The following HCN1 variants were observed in gnomAD, a reference collection of about 807,000 sequenced individuals.
The protein encoded by HCN1 is potassium/sodium hyperpolarization-activated cyclic nucleotide-gated channel 1.
Under a neutral mutation model 78.9 loss-of-function variants are expected in HCN1, and 13 were observed. That is an observed-to-expected ratio of 0.16 (90% confidence interval 0.11 to 0.26). The LOEUF is 0.26. Among genes scored for constraint, HCN1 ranks in the 10% least tolerant of loss-of-function variants. The pLI, the probability that HCN1 is intolerant of heterozygous loss-of-function variation, is 1.00. For missense variants in HCN1, 810 were observed against 1,154.3 expected, an observed-to-expected ratio of 0.70 and a Z score of 4.32; for synonymous variants, 552 against 455.5, an observed-to-expected ratio of 1.21 and a Z score of -2.70.
intron 5 of HCN1, among the ~76,000 whole-genome samples, chr5:45,330,641 T>C (rs1213481684): frequency 6.6e-6 from 1 of 150,926 alleles, no homozygotes; most frequent in Non-Finnish European, 1.5e-5. Flanking sequence ...CAAACAATAA[T>C]GTATCATGTC....
At chr5:45,671,828 T>C (rs1746157348) in intron 1 of HCN1, among the ~76,000 whole-genome samples, 2 of 151,586 alleles carry the variant, frequency 1.3e-5, no homozygotes, top group Admixed American at 6.6e-5. Flanking sequence ...GTTAGGACTG[T>C]CAAAAATCTG....
chr5:45,478,924 C>G lies in HCN1; in HGVS notation c.850-16917G>C, dbSNP rs774477664. Among the ~76,000 whole-genome samples the G allele has an allele frequency of 2.0e-5, 3 of 152,160 alleles. No individual in the cohort carries two copies. In the South Asian group the frequency reaches 6.2e-4, roughly 32 times the overall value. On this transcript the variant is annotated intron_variant, in intron 2 of 7. Coordinates refer to ENST00000303230, the MANE Select transcript of HCN1 (RefSeq NM_021072.4). ...AGATCATGAGGTCAGAAGTTCAAGA[C>G]CAGCCTGGCCAACATGGTTAAACCC...
chr5:45,617,564 C>T (rs1198151370), intron 2 of HCN1: 3 of 152,116 alleles, frequency 2.0e-5, no homozygotes, highest in African/African-American at 4.8e-5. Flanking sequence ...GGCCCTGCCA[C>T]TTCATTTCCC....
chr5:45,695,974 G>T lies in HCN1; in HGVS notation c.120C>A (p.Gly40=). 1 of 1,318,838 alleles carries T rather than the reference G, an allele frequency of 7.6e-7. No homozygotes were observed. Among genetic ancestry groups the T allele is most frequent in the Non-Finnish European group, 9.6e-7 (1 of 1,038,226 alleles). 81.7% of individuals were successfully genotyped at this position (1,318,838 alleles called of 1,614,324 possible). The change falls in exon 1 of 8, where the codon GGC becomes GGA. Residue 40 remains glycine, a synonymous_variant. Coordinates refer to ENST00000303230, the MANE Select transcript of HCN1 (RefSeq NM_021072.4). The part of the protein sequence containing the change: ...AGPAAAEKRL[G]TPPGGGGAGA... ...CGGCCCCGCCGCCCCCCGGCGGGGTGCCCAGGCGCTTCTCGGCCGCGGCCG... is the reference window on the plus strand; with the variant it reads ...CGGCCCCGCCGCCCCCCGGCGGGGTTCCCAGGCGCTTCTCGGCCGCGGCCG...
chr5:45,633,290 T>A (rs1745301083), intron 2 of HCN1, among the ~76,000 whole-genome samples: 1 of 151,464 alleles, frequency 6.6e-6, no homozygotes, highest in Admixed American at 6.6e-5. Flanking sequence ...AAAAGCATAT[T>A]AATATTATTT....
intron 2 of HCN1, among the ~76,000 whole-genome samples, chr5:45,526,712 GC>G (rs1742743289): frequency 6.6e-6 from 1 of 151,962 alleles, no homozygotes; most frequent in Non-Finnish European, 1.5e-5. Flanking sequence ...TTCTCCTGGG[GC>G]CTAGAGCTGG....
rs566714056 is a variant in HCN1 at position 45,360,520 on chromosome 5, T to C, written c.1231-7274A>G. ...AATTCATATATATAGAAAAGCTGGGTAATATGCTAATTCATTTAACAAGTA... is the reference window on the plus strand; with the variant it reads ...AATTCATATATATAGAAAAGCTGGGCAATATGCTAATTCATTTAACAAGTA... On this transcript the variant is annotated intron_variant, in intron 4 of 7. Coordinates refer to ENST00000303230, the MANE Select transcript of HCN1 (RefSeq NM_021072.4). Among the ~76,000 whole-genome samples, 30 of 152,012 alleles carry C rather than the reference T, an allele frequency of 2.0e-4. 1 individual carries two copies. Among genetic ancestry groups the C allele is most frequent in the Non-Finnish European group, 3.4e-4 (23 of 67,970 alleles).
At chr5:45,381,267 C>T (rs1281077732) in intron 4 of HCN1, among the ~76,000 whole-genome samples, 1 of 151,956 alleles carries the variant, frequency 6.6e-6, no homozygotes, top group Non-Finnish European at 1.5e-5. Context: ...GAAACCTATC[C>T]TACGATATAA....
intron 4 of HCN1, among the ~76,000 whole-genome samples, chr5:45,380,064 A>G (rs551236053): frequency 2.0e-5 from 3 of 152,134 alleles, no homozygotes; most frequent in Admixed American, 6.6e-5. Flanking sequence ...TCATGCTTCA[A>G]TATAACAAAA....
At chr5:45,448,550 G>A (rs911160395) in intron 3 of HCN1, among the ~76,000 whole-genome samples, 1 of 151,994 alleles carries the variant, frequency 6.6e-6, no homozygotes, top group Admixed American at 6.6e-5. Context: ...TTCTGCAGGT[G>A]GTAGCAAAAT....
At chr5:45,400,075 A>C (rs1160381212) in intron 3 of HCN1, among the ~76,000 whole-genome samples, 2 of 152,168 alleles carry the variant, frequency 1.3e-5, no homozygotes, top group Non-Finnish European at 2.9e-5. Context: ...AAAATGTAAA[A>C]TCTAATTCAA....
intron 2 of HCN1, among the ~76,000 whole-genome samples, chr5:45,621,620 T>C (rs1745064638): frequency 2.6e-5 from 4 of 152,172 alleles, no homozygotes; most frequent in Admixed American, 2.6e-4. Context: ...GGACAATTAG[T>C]AAAACGTAAT....
At position 45,685,816 on chromosome 5, in the gene HCN1, G is replaced by C. The variant is rs144481363; in HGVS notation, c.425+9853C>G. On this transcript the variant is annotated intron_variant, in intron 1 of 7. Coordinates refer to ENST00000303230, the MANE Select transcript of HCN1 (RefSeq NM_021072.4). ...TGCACATCAGGGCTTCTGCTGCCAG[G>C]GATTGCATGAAGGTAAAAAGGAAAT... Among the ~76,000 whole-genome samples, 84 of 152,236 alleles carry C rather than the reference G, an allele frequency of 5.5e-4. 1 individual carries two copies. Among genetic ancestry groups the C allele is most frequent in the African/African-American group, 1.8e-3 (75 of 41,536 alleles).
chr5:45,373,370 A>C (rs1431719847), intron 4 of HCN1, among the ~76,000 whole-genome samples: 1 of 117,640 alleles, frequency 8.5e-6, no homozygotes, highest in African/African-American at 3.6e-5. Flanking sequence ...AATATAATAT[A>C]TATTTTATAT....
chr5:45,597,442 A>G (rs2111957340), intron 2 of HCN1, among the ~76,000 whole-genome samples: 1 of 152,346 alleles, frequency 6.6e-6, no homozygotes, highest in East Asian at 1.9e-4. Context: ...GCTATTTATG[A>G]CAAACCCACA....
intron 4 of HCN1, among the ~76,000 whole-genome samples, chr5:45,363,116 T>TA (rs2111993698): frequency 7.2e-6 from 1 of 139,446 alleles, no homozygotes; most frequent in East Asian, 2.1e-4. Context: ...TATTTACATA[T>TA]TATATATATA....
intron 1 of HCN1, among the ~76,000 whole-genome samples, chr5:45,676,347 T>C (rs191536494): frequency 3.3e-5 from 5 of 151,924 alleles, no homozygotes; most frequent in Admixed American, 2.6e-4. Context: ...TAAGCAAATC[T>C]ATATACACCT....
intron 3 of HCN1, among the ~76,000 whole-genome samples, chr5:45,460,092 T>C (rs1049272175): frequency 6.6e-6 from 1 of 152,146 alleles, no homozygotes; most frequent in Non-Finnish European, 1.5e-5. Flanking sequence ...CAAATTAATG[T>C]GTCAGGTACT....
At chr5:45,294,881 G>A (rs1329377787) in intron 6 of HCN1, among the ~76,000 whole-genome samples, 1 of 152,062 alleles carries the variant, frequency 6.6e-6, no homozygotes, top group South Asian at 2.1e-4. Context: ...CAGGCTTCAA[G>A]TTCAGAAACA....
Sources: gnomAD v4.1 joint callset for allele counts (sites outside exome capture counted in the v4.1 genomes callset) on GRCh38, gnomAD v4.1.1 for gene constraint, MANE v1.5 for transcripts, NCBI Gene and HGNC (gene_info 2026-07-23, HGNC 2026-07-21) for gene names.